PCLO: variants seen among roughly 807,000 people sequenced by gnomAD.
PCLO encodes the protein piccolo presynaptic cytomatrix protein, also known as protein piccolo.
PCLO carries 82 observed loss-of-function variants against 427.5 expected under a neutral mutation model. The ratio of observed to expected loss-of-function variants is 0.19; its 90% confidence interval spans 0.16 to 0.23. The LOEUF is 0.23. PCLO is among the 10% of genes least tolerant of loss of function. PCLO has a pLI of 1.00. For missense variants in PCLO, 6,239 were observed against 6,115.9 expected (o/e 1.02, Z -0.67); for synonymous variants, 2,357 against 2,155.4 (o/e 1.09, Z -2.59).
chr7:82,869,570 C>T (rs186492995), intron 10 of PCLO, among the ~76,000 whole-genome samples: 46 of 152,014 alleles, frequency 3.0e-4, no homozygotes, highest in Non-Finnish European at 5.3e-4. Flanking sequence ...GATCCACCTA[C>T]GAAATGCCAG....
chr7:83,117,111 C>A (rs1008200385), intron 3 of PCLO, among the ~76,000 whole-genome samples: 4 of 152,130 alleles, frequency 2.6e-5, no homozygotes, highest in African/African-American at 9.7e-5. Context: ...TGAAAACAAA[C>A]TTAGTGAAAA....
rs1207776135 is a variant in PCLO, at chr7:82,949,980, T to C, written c.10608A>G (p.Thr3536=). 6 of 1,613,434 alleles carry C rather than the reference T, an allele frequency of 3.7e-6. No homozygotes were observed. Among genetic ancestry groups the C allele is most frequent in the Non-Finnish European group, 5.1e-6 (6 of 1,179,786 alleles). Residue 3536 remains threonine, a synonymous_variant, in exon 6 of 25, where the codon ACA becomes ACG. Transcript: ENST00000333891. Reference sequence around the variant, plus strand: ...CATCCACTCGTGCCCGTATGGAGGGTGTTCTTATGGTTCCAACTGGTTCAG... The same window carrying C: ...CATCCACTCGTGCCCGTATGGAGGGCGTTCTTATGGTTCCAACTGGTTCAG... ...VQTEPVGTIR[T]PSIRARVDAK... is the part of the protein sequence containing the mutation.
chr7:82,817,538 T>C (rs1231506125), intron 20 of PCLO, among the ~76,000 whole-genome samples: 1 of 151,934 alleles, frequency 6.6e-6, no homozygotes, highest in Non-Finnish European at 1.5e-5. Flanking sequence ...CCCAAACCCA[T>C]CCACCCACTA....
At chr7:82,835,223 C>T (rs1457198148) in intron 16 of PCLO, among the ~76,000 whole-genome samples, 4 of 152,168 alleles carry the variant, frequency 2.6e-5, no homozygotes, top group South Asian at 2.1e-4. Flanking sequence ...GGATTACAGG[C>T]GTGAGCCACC....
chr7:83,146,281 C>A (rs568628281), intron 2 of PCLO, among the ~76,000 whole-genome samples: 1 of 152,240 alleles, frequency 6.6e-6, no homozygotes, highest in South Asian at 2.1e-4. Flanking sequence ...ATGTGAGAGG[C>A]AGAACTAGGA....
chr7:82,914,349 A>G (rs1194505321), intron 7 of PCLO: 2 of 470,040 alleles, frequency 4.3e-6, no homozygotes, highest in Non-Finnish European at 7.4e-6. Flanking sequence ...AAAGAAACTT[A>G]CAATGAAAAA....
intron 2 of PCLO, 106 bp downstream of exon 2, chr7:83,154,642 A>T: frequency 1.2e-6 from 1 of 858,606 alleles, no homozygotes; most frequent in Non-Finnish European, 1.8e-6. Context: ...GGGAGAATCC[A>T]GAGAAAGACA....
chr7:82,815,012 G>A (rs77565351), intron 20 of PCLO, among the ~76,000 whole-genome samples: 1,530 of 151,848 alleles, frequency 0.01, 28 homozygotes, highest in African/African-American at 0.035. Flanking sequence ...TTTTAATTTT[G>A]TGTTTTGTAC....
chr7:82,761,253 A>G, intron 23 of PCLO, 106 bp downstream of exon 23: 4 of 602,854 alleles, frequency 6.6e-6, no homozygotes, highest in Non-Finnish European at 1.1e-5. Flanking sequence ...ATTTTTTCTG[A>G]CATATTTGGT....
At chr7:82,800,338 G>A (rs1377566083) in intron 22 of PCLO, among the ~76,000 whole-genome samples, 1 of 152,100 alleles carries the variant, frequency 6.6e-6, no homozygotes, top group African/African-American at 2.4e-5. Context: ...CCTATGTAGT[G>A]CTCTTGTGAT....
At chr7:82,803,683 A>C (rs1791404214) in intron 21 of PCLO, among the ~76,000 whole-genome samples, 1 of 152,112 alleles carries the variant, frequency 6.6e-6, no homozygotes, top group African/African-American at 2.4e-5. Flanking sequence ...TACATTTTAT[A>C]ATTTATATTT....
At chr7:83,128,818 C>G (rs1791504327) in intron 3 of PCLO, among the ~76,000 whole-genome samples, 1 of 152,124 alleles carries the variant, frequency 6.6e-6, no homozygotes, top group Non-Finnish European at 1.5e-5. Context: ...CATATACTTT[C>G]ACCTAGGAAT....
chr7:82,879,906 C>A (rs780202601), intron 9 of PCLO: 2 of 427,230 alleles, frequency 4.7e-6, no homozygotes, highest in South Asian at 3.4e-5. Flanking sequence ...AAAGTGAAAA[C>A]ATGATCATAA....
intron 9 of PCLO, among the ~76,000 whole-genome samples, chr7:82,892,648 G>A (rs1387539674): frequency 2.6e-5 from 4 of 151,954 alleles, no homozygotes; most frequent in African/African-American, 4.8e-5. Context: ...GCAACCTACA[G>A]AATGGGAGAA....
chr7:82,956,662 T>G lies in PCLO; in HGVS notation c.4291A>C (p.Lys1431Gln). The G allele has an allele frequency of 4.3e-6, 7 of 1,613,928 alleles. No homozygotes were observed. Among genetic ancestry groups the G allele is most frequent in the Non-Finnish European group, 5.9e-6 (7 of 1,179,848 alleles). Residue 1431 changes from lysine to glutamine, a missense_variant, in exon 5 of 25, where the codon AAG becomes CAG. By Grantham distance (53) the Lys-to-Gln change is moderately conservative. Transcript: ENST00000333891. ...TGGGGTTGTGTTTTCTTTTCTGACT[T>G]TTCATCAGCAAGTGTACTTGCTTGA... ...EAQASTLADE[K>Q]SEKKTQPHEV...
chr7:83,085,028 G>A (rs1790196018), intron 3 of PCLO, among the ~76,000 whole-genome samples: 1 of 152,076 alleles, frequency 6.6e-6, no homozygotes, highest in South Asian at 2.1e-4. Flanking sequence ...AATTTGGCCT[G>A]AAAAGAGAAA....
chr7:83,053,844 G>GA (rs1001025937), intron 3 of PCLO, among the ~76,000 whole-genome samples: 3 of 151,660 alleles, frequency 2.0e-5, no homozygotes, highest in Admixed American at 6.6e-5. Flanking sequence ...CACCCCAGAG[G>GA]AAAAAAATGT....
chr7:82,788,291 ATATAGT>A (rs1040173791), intron 22 of PCLO, among the ~76,000 whole-genome samples: 35 of 148,122 alleles, frequency 2.4e-4, no homozygotes, highest in African/African-American at 6.4e-4. Context: ...TATATAATTG[ATATAGT>A]TATGATTTAA....
Position 83,156,087 on chromosome 7 carries a change from G to A in PCLO, c.554C>T (p.Ser185Phe). Residue 185 changes from serine (S) to phenylalanine (F), a missense_variant, in exon 2 of 25, where the codon TCC (serine) becomes TTC (phenylalanine). Around this residue, in one of 5 missense-constraint regions of PCLO, gnomAD observed 4,677 missense variants for 4,468.4 expected, o/e 1.05. Coordinates refer to ENST00000333891, the MANE Select transcript of PCLO (RefSeq NM_033026.6). ...PFDLISDSEA[S>F]QEETTKKQKV... ...TTGTTTCTTGGTGGTTTCTTCCTGG[G>A]ATGCCTCAGAGTCTGATATCAAATC... 6.2e-7 allele frequency: 1 copy of A among 1,613,460 alleles called. No homozygotes were observed. The highest frequency in any genetic ancestry group is 1.1e-5 in the South Asian group (1 of 91,026).
Sources: allele counts gnomAD v4.1 joint callset (sites outside exome capture counted in the v4.1 genomes callset), GRCh38; gene constraint gnomAD v4.1.1; regional missense constraint gnomAD v4.1.1; transcripts MANE v1.5; gene names NCBI Gene and HGNC (gene_info 2026-07-23, HGNC 2026-07-21).